Variants in PRELID2 observed in about 807,000 individuals in gnomAD.
The protein encoded by PRELID2 is PRELI domain containing 2.
In PRELID2, 25 loss-of-function variants were observed where a neutral mutation model predicts 28.4. That is an observed-to-expected ratio of 0.88 (90% CI 0.64 to 1.23). PRELID2 has a LOEUF of 1.23. Ranked by LOEUF, PRELID2 falls within the 50% of genes most tolerant of loss-of-function variation. PRELID2 has a pLI of 0.00. For synonymous variants in PRELID2, 76 were observed against 71.6 expected, an observed-to-expected ratio of 1.06 and a Z score of -0.31; for missense variants, 201 against 214.4, an observed-to-expected ratio of 0.94 and a Z score of 0.39.
chr5:145,442,051 T>C, the PRELID2 span, among the ~76,000 whole-genome samples: 1 of 152,102 alleles, frequency 6.6e-6, no homozygotes, highest in Non-Finnish European at 1.5e-5. Context: ...AAGGAAACAG[T>C]GGCCAGGAAG....
the PRELID2 span, among the ~76,000 whole-genome samples, chr5:145,336,213 T>C: frequency 2.6e-5 from 4 of 152,088 alleles, no homozygotes; most frequent in African/African-American, 4.8e-5. Context: ...TTTTCTCCCA[T>C]TTTGTAGGTT....
At chr5:145,411,425 T>C in the PRELID2 span, among the ~76,000 whole-genome samples, 1 of 152,182 alleles carries the variant, frequency 6.6e-6, no homozygotes, top group African/African-American at 2.4e-5. Context: ...AAACAATATC[T>C]GTCATTAAAC....
At chr5:145,311,438 T>C in the PRELID2 span, among the ~76,000 whole-genome samples, 2 of 152,190 alleles carry the variant, frequency 1.3e-5, no homozygotes, top group African/African-American at 2.4e-5. Flanking sequence ...TATCTTACCC[T>C]AGGTCTCACC....
At chr5:145,425,021 A>T in the PRELID2 span, among the ~76,000 whole-genome samples, 1 of 152,140 alleles carries the variant, frequency 6.6e-6, no homozygotes, top group African/African-American at 2.4e-5. Context: ...TATCCATTTA[A>T]CAAAAATCTA....
At chr5:145,739,753 T>A (rs1029501518) in intron 1 of PRELID2, among the ~76,000 whole-genome samples, 1 of 152,004 alleles carries the variant, frequency 6.6e-6, no homozygotes, top group Non-Finnish European at 1.5e-5. Context: ...CTGGGAGTGA[T>A]AAAACAACCA....
At chr5:145,626,916 AT>A (rs1041669884) in intron 1 of PRELID2, among the ~76,000 whole-genome samples, 2 of 151,958 alleles carry the variant, frequency 1.3e-5, no homozygotes, top group African/African-American at 4.8e-5. Flanking sequence ...CCTGGCTAAC[AT>A]GGTGAAACCC....
chr5:145,640,310 T>C (rs1294209998), intron 1 of PRELID2, among the ~76,000 whole-genome samples: 5 of 151,038 alleles, frequency 3.3e-5, no homozygotes, highest in Admixed American at 1.3e-4. Context: ...CCGTCTCTAC[T>C]AAAAAAATAC....
At chr5:145,811,304 C>T (rs1753922005) in intron 4 of PRELID2, among the ~76,000 whole-genome samples, 2 of 151,896 alleles carry the variant, frequency 1.3e-5, no homozygotes, top group Admixed American at 1.3e-4. Flanking sequence ...CACAGCAAAA[C>T]CATATCAGGG....
chr5:145,420,052 A>C, the PRELID2 span, among the ~76,000 whole-genome samples: 4 of 150,266 alleles, frequency 2.7e-5, no homozygotes, highest in East Asian at 7.9e-4. Flanking sequence ...GATATGCGGC[A>C]TTATTTCTGA....
intron 1 of PRELID2, among the ~76,000 whole-genome samples, chr5:145,563,547 G>A (rs1282385245): frequency 6.6e-6 from 1 of 152,194 alleles, no homozygotes; most frequent in Admixed American, 6.5e-5. Flanking sequence ...GGAGTATGAA[G>A]TTGCTTATGG....
chr5:145,597,451 A>G (rs975991553), intron 1 of PRELID2, among the ~76,000 whole-genome samples: 15 of 152,198 alleles, frequency 9.9e-5, no homozygotes, highest in Non-Finnish European at 1.9e-4. Context: ...AGGGGTATCA[A>G]AGCATTTCAC....
At chr5:145,645,972 C>T (rs767150792) in intron 1 of PRELID2, among the ~76,000 whole-genome samples, 10 of 152,332 alleles carry the variant, frequency 6.6e-5, no homozygotes, top group Non-Finnish European at 1.2e-4. Flanking sequence ...ACATTTTCTC[C>T]TTCACTTCAA....
chr5:145,500,941 G>A (rs1254876656), intron 1 of PRELID2, among the ~76,000 whole-genome samples: 1 of 152,120 alleles, frequency 6.6e-6, no homozygotes, highest in Non-Finnish European at 1.5e-5. Context: ...TAGATCATGT[G>A]CCTGTCTGAT....
chr5:145,719,329 G>A (rs1265939885), intron 1 of PRELID2, among the ~76,000 whole-genome samples: 4 of 151,834 alleles, frequency 2.6e-5, no homozygotes, highest in African/African-American at 9.7e-5. Flanking sequence ...AAGATGTGTA[G>A]GACTCAAGGT....
chr5:145,835,122 G>A, intron 1 of PRELID2, 55 bp downstream of exon 1: 1 of 1,249,134 alleles, frequency 8.0e-7, no homozygotes. Context: ...GGAGAGGAGA[G>A]AGGGGCAAGC....
the PRELID2 span, among the ~76,000 whole-genome samples, chr5:145,412,572 C>T: frequency 6.6e-6 from 1 of 152,194 alleles, no homozygotes; most frequent in African/African-American, 2.4e-5. Context: ...TTCTTCAAGT[C>T]TCTAGGAAGT....
At chr5:145,670,401 T>A (rs551532483) in intron 1 of PRELID2, among the ~76,000 whole-genome samples, 3 of 152,104 alleles carry the variant, frequency 2.0e-5, no homozygotes, top group Non-Finnish European at 4.4e-5. Context: ...ACCTCCCCAC[T>A]TGGCCCCACC....
chr5:145,631,904 T>C (rs772613551), intron 1 of PRELID2, among the ~76,000 whole-genome samples: 9 of 152,212 alleles, frequency 5.9e-5, no homozygotes, highest in Non-Finnish European at 1.2e-4. Context: ...TAAAAAACTG[T>C]ACCTCAGGCT....
chr5:145,238,741 T>C, the PRELID2 span, among the ~76,000 whole-genome samples: 1 of 152,030 alleles, frequency 6.6e-6, no homozygotes, highest in Non-Finnish European at 1.5e-5. Flanking sequence ...TAAATGAACC[T>C]CATATTACCA....
Sources: allele counts gnomAD v4.1 joint callset (sites outside exome capture counted in the v4.1 genomes callset), GRCh38; gene constraint gnomAD v4.1.1; transcripts MANE v1.5; gene names NCBI Gene and HGNC (gene_info 2026-07-23, HGNC 2026-07-21).